Variants in TTC27 observed in about 807,000 individuals in gnomAD.
TTC27 encodes tetratricopeptide repeat domain 27.
TTC27 carries 79 observed loss-of-function variants against 115.9 expected under a neutral mutation model. That is an observed-to-expected ratio of 0.68 (90% CI 0.57 to 0.82). The LOEUF (loss-of-function observed/expected upper bound fraction) is 0.82, where lower values mean the gene tolerates loss of function less well. TTC27 is among the 40% of genes least tolerant of loss of function. The probability of loss-of-function intolerance (pLI) is 0.00; values close to 1 mark genes in which losing one functional copy is unlikely to be tolerated. For synonymous variants in TTC27, 401 were observed against 356.0 expected (o/e 1.13, Z -1.42); for missense variants, 1,054 against 993.1 (o/e 1.06, Z -0.82).
At chr2:32,681,728 T>TA (rs1666431980) in intron 9 of TTC27, among the ~76,000 whole-genome samples, 1 of 151,590 alleles carries the variant, frequency 6.6e-6, no homozygotes, top group African/African-American at 2.4e-5. Context: ...TAAGGCAGGC[T>TA]AAGTTAAGCT....
intron 16 of TTC27, among the ~76,000 whole-genome samples, chr2:32,801,220 C>G (rs559524897): frequency 6.5e-4 from 99 of 152,304 alleles, no homozygotes; most frequent in African/African-American, 2.3e-3. Context: ...GCTACAATAA[C>G]AAATTACCAC....
chr2:32,706,999 T>C (rs1014988135), intron 10 of TTC27, among the ~76,000 whole-genome samples: 13 of 152,244 alleles, frequency 8.5e-5, no homozygotes, highest in Admixed American at 7.2e-4. Context: ...GTACCACTTC[T>C]GGGTCATACC....
chr2:32,743,526 TG>T (rs1668714621), intron 12 of TTC27, among the ~76,000 whole-genome samples: 1 of 152,164 alleles, frequency 6.6e-6, no homozygotes, highest in Non-Finnish European at 1.5e-5. Context: ...TAAATATAAA[TG>T]AGCCCCAATA....
intron 11 of TTC27, 52 bp from the exon 12 acceptor site, chr2:32,736,642 G>A (rs1409796165): frequency 1.9e-6 from 3 of 1,607,924 alleles, no homozygotes; most frequent in Admixed American, 1.7e-5. Flanking sequence ...AGTGAAACAG[G>A]AATCTCTTTT....
intron 12 of TTC27, among the ~76,000 whole-genome samples, chr2:32,738,913 C>T (rs552892823): frequency 2.6e-5 from 4 of 152,116 alleles, no homozygotes; most frequent in South Asian, 4.1e-4. Flanking sequence ...TGTCAAGCAA[C>T]GTATTGAAGG....
rs112736627 is a variant in TTC27, at chr2:32,747,574, T to C, written c.1453-10718T>C. The stretch of plus-strand genomic sequence containing the variant: ...GTATTGCTATGGTACCATTGTAAAT[T>C]TAAAAAATTGTATGTCAGACCATCG... On this transcript the variant is annotated intron_variant, in intron 12 of 19. Transcript: ENST00000317907. Among the ~76,000 whole-genome samples, 823 of 152,318 alleles carry C rather than the reference T, an allele frequency of 5.4e-3. 10 individuals are homozygous for C. The highest frequency in any genetic ancestry group is 0.018 in the African/African-American group (753 of 41,584).
rs1667238687 is a variant in TTC27 at position 32,702,915 on chromosome 2, A to G, written c.1228A>G (p.Thr410Ala). 6.2e-7 allele frequency: 1 copy of G among 1,612,842 alleles called. No individual in the cohort carries two copies. The highest frequency in any genetic ancestry group is 8.5e-7 in the Non-Finnish European group (1 of 1,178,962). ...TRRVERAMRQ[T>A]QALADQFEDK... is the part of the protein sequence containing the mutation. ...CCGAGTGGAACGGGCAATGAGGCAGACACAGGTAAGAATTAATGTGGCAAT... is the reference window on the plus strand; with the variant it reads ...CCGAGTGGAACGGGCAATGAGGCAGGCACAGGTAAGAATTAATGTGGCAAT... The change falls in exon 10 of 20, where the codon ACA (threonine) becomes GCA (alanine). Residue 410 changes from threonine to alanine, a missense_variant. By Grantham distance (58) the Thr-to-Ala change is moderately conservative. Coordinates refer to ENST00000317907, the MANE Select transcript of TTC27 (RefSeq NM_017735.5).
intron 8 of TTC27, among the ~76,000 whole-genome samples, chr2:32,677,510 C>T (rs140806401): frequency 2.6e-4 from 39 of 152,006 alleles, no homozygotes; most frequent in African/African-American, 8.0e-4. Flanking sequence ...AGTGCAATGG[C>T]GCAATCTTGG....
chr2:32,799,811 G>T (rs1670860533), intron 16 of TTC27, among the ~76,000 whole-genome samples: 1 of 152,192 alleles, frequency 6.6e-6, no homozygotes, highest in Non-Finnish European at 1.5e-5. Context: ...TTTTAAATCT[G>T]TGGGATAAAA....
At chr2:32,708,301 C>CTTTTTTTTTTTTTTTT (rs1159740039) in intron 10 of TTC27, among the ~76,000 whole-genome samples, 5 of 80,252 alleles carry the variant, frequency 6.2e-5, no homozygotes, top group Admixed American at 1.2e-4. Context: ...TTTTCTCTAC[C>CTTTTTTTTTTTTTTTT]TTGTTTTTTT....
intron 16 of TTC27, among the ~76,000 whole-genome samples, chr2:32,804,330 A>G (rs187053865): frequency 6.6e-6 from 1 of 152,204 alleles, no homozygotes; most frequent in Non-Finnish European, 1.5e-5. Context: ...TCTTAACTCC[A>G]TAATTCCATT....
chr2:32,758,484 T>G lies in TTC27; in HGVS notation c.1645T>G (p.Cys549Gly), dbSNP rs143309927. Residue 549 changes from cysteine (C) to glycine (G), a missense_variant, in exon 13 of 20, where the codon TGC becomes GGC. Coordinates refer to ENST00000317907, the MANE Select transcript of TTC27 (RefSeq NM_017735.5). Reference protein sequence around the residue: ...RNKEFQECVECFERSVKINPM... With the variant: ...RNKEFQECVEGFERSVKINPM... ...CAAGGAGTTTCAAGAGTGTGTAGAG[T>G]GCTTCGAACGCTCGGTTAAGATTAA... The G allele has an allele frequency of 2.7e-5, 44 of 1,614,030 alleles. No homozygotes were observed. The highest frequency in any genetic ancestry group is 3.6e-5 in the Non-Finnish European group (42 of 1,180,032).
chr2:32,779,202 G>A (rs1340691046), intron 14 of TTC27, among the ~76,000 whole-genome samples: 1 of 151,300 alleles, frequency 6.6e-6, no homozygotes, highest in African/African-American at 2.4e-5. Context: ...CAGCCTGGGT[G>A]ACAGAGCAAG....
intron 12 of TTC27, among the ~76,000 whole-genome samples, chr2:32,754,429 C>A (rs1054491148): frequency 6.7e-6 from 1 of 149,264 alleles, no homozygotes; most frequent in Non-Finnish European, 1.5e-5. Context: ...TGAGTGGACA[C>A]AGCACATGTT....
At chr2:32,731,117 CAG>C (rs1427868658) in intron 10 of TTC27, among the ~76,000 whole-genome samples, 2 of 151,722 alleles carry the variant, frequency 1.3e-5, no homozygotes, top group Admixed American at 6.6e-5. Flanking sequence ...TTTTTTGAGA[CAG>C]AGTCTCACTC....
At chr2:32,757,855 C>T (rs998888608) in intron 12 of TTC27, among the ~76,000 whole-genome samples, 2 of 152,156 alleles carry the variant, frequency 1.3e-5, no homozygotes, top group African/African-American at 2.4e-5. Flanking sequence ...GCACCTGCCA[C>T]CACGCCCGGC....
intron 8 of TTC27, among the ~76,000 whole-genome samples, chr2:32,675,087 T>C (rs1205894670): frequency 6.6e-6 from 1 of 152,242 alleles, no homozygotes; most frequent in South Asian, 2.1e-4. Flanking sequence ...CATTATACCA[T>C]GTACTTTCAC....
At chr2:32,720,781 A>G (rs1667898695) in intron 10 of TTC27, among the ~76,000 whole-genome samples, 5 of 152,246 alleles carry the variant, frequency 3.3e-5, no homozygotes. Flanking sequence ...TTAGCATACC[A>G]GAAGACAAAG....
intron 13 of TTC27, among the ~76,000 whole-genome samples, chr2:32,772,740 T>C (rs1669870208): frequency 6.6e-6 from 1 of 152,224 alleles, no homozygotes; most frequent in Non-Finnish European, 1.5e-5. Flanking sequence ...TATCAGAACA[T>C]AACCCTATAA....
Sources: gnomAD v4.1 joint callset for allele counts (sites outside exome capture counted in the v4.1 genomes callset) on GRCh38, gnomAD v4.1.1 for gene constraint, MANE v1.5 for transcripts, NCBI Gene and HGNC (gene_info 2026-07-23, HGNC 2026-07-21) for gene names.